SUGT1: variants seen among roughly 807,000 people sequenced by gnomAD.
SUGT1 encodes protein SGT1 homolog.
In SUGT1, 15 loss-of-function variants were observed where a neutral mutation model predicts 56.1. The ratio of observed to expected loss-of-function variants is 0.27; its 90% CI spans 0.18 to 0.41. SUGT1 has a LOEUF of 0.41. Ranked by LOEUF, SUGT1 falls within the 10% of genes least tolerant of loss-of-function variation. The pLI is 1.00. For synonymous variants in SUGT1, 123 were observed against 128.6 expected (o/e 0.96, Z 0.30); for missense variants, 347 against 382.2 (o/e 0.91, Z 0.77).
chr13:52,669,805 T>C (rs1327259109), intron 10 of SUGT1, among the ~76,000 whole-genome samples: 1 of 152,198 alleles, frequency 6.6e-6, no homozygotes, highest in African/African-American at 2.4e-5. Flanking sequence ...CTTAATTATG[T>C]CTTAAGGGAA....
chr13:52,694,037 T>G lies in SUGT1; in HGVS notation c.*6202T>G, dbSNP rs1963854716. 1 of 152,220 alleles carries G rather than the reference T, an allele frequency of 6.6e-6. No homozygotes were observed. Among genetic ancestry groups the G allele is most frequent in the Non-Finnish European group, 1.5e-5 (1 of 68,034 alleles). 9.4% of individuals were successfully genotyped at this position (152,220 alleles called of 1,614,324 possible). A position where few individuals can be genotyped will look rare whatever the true frequency, so the allele number is the denominator to read the frequency against. On this transcript the variant is annotated 3_prime_UTR_variant, in exon 13 of 13. Coordinates refer to ENST00000310528, the MANE Select transcript of SUGT1 (RefSeq NM_006704.5). ...GCAATAAAACTTATGTGAACAGTTA[T>G]TTTTGGACAGCAGTTGACTGTGGGT... is the stretch of plus-strand genomic sequence containing the variant.
rs1566170133 is a variant in SUGT1, at chr13:52,652,874, A to G, written c.-47A>G. On this transcript the variant is annotated 5_prime_UTR_variant, in exon 1 of 13. Coordinates refer to ENST00000310528, the MANE Select transcript of SUGT1 (RefSeq NM_006704.5). ...CCCCTTGGGCGGTGGTGGAGGTGGT[A>G]ACCGTGATAGTAGCAGCTCCGGCGG... 1 of 1,601,088 alleles carries G rather than the reference A, an allele frequency of 6.2e-7. No individual in the cohort carries two copies.
At chr13:52,654,897 T>C (rs1962085718) in intron 2 of SUGT1, among the ~76,000 whole-genome samples, 1 of 152,262 alleles carries the variant, frequency 6.6e-6, no homozygotes, top group Non-Finnish European at 1.5e-5. Flanking sequence ...CTTCTGTGAA[T>C]ACTCTTGTAC....
In SUGT1 at chr13:52,698,062, A is replaced by C. The variant is rs1963986675; in HGVS notation, c.*10227A>C. On this transcript the variant is annotated 3_prime_UTR_variant, in exon 13 of 13. Transcript: ENST00000310528. ...TTACAGCAGAATAAGTACCAAGGCA[A>C]GATTGGAGAATGACCGGTTGTGAAC... 1 of 152,242 alleles carries C rather than the reference A, an allele frequency of 6.6e-6. No homozygotes were observed. Among genetic ancestry groups the C allele is most frequent in the Non-Finnish European group, 1.5e-5 (1 of 68,036 alleles). 9.4% of individuals were successfully genotyped at this position (152,242 alleles called of 1,614,324 possible).
rs762365366 is a variant in SUGT1 at position 52,652,866 on chromosome 13, G to T, written c.-55G>T. On this transcript the variant is annotated 5_prime_UTR_variant, in exon 1 of 13. Transcript: ENST00000310528. ...GAAGTTTCCCCCTTGGGCGGTGGTGGAGGTGGTAACCGTGATAGTAGCAGC... is the reference window on the plus strand; with the variant it reads ...GAAGTTTCCCCCTTGGGCGGTGGTGTAGGTGGTAACCGTGATAGTAGCAGC... The T allele has an allele frequency of 1.3e-5, 21 of 1,594,178 alleles. No individual in the cohort carries two copies. Among genetic ancestry groups the T allele is most frequent in the Non-Finnish European group, 1.8e-5 (21 of 1,169,464 alleles).
rs573639601 is a variant in SUGT1 at position 52,693,278 on chromosome 13, G to T, written c.*5443G>T. ...AAAGGATTCAGTTATACAAAAAGAT[G>T]TTTCAGAAACACTGCTATTTACCTA... On this transcript the variant is annotated 3_prime_UTR_variant, in exon 13 of 13. Coordinates refer to ENST00000310528, the MANE Select transcript of SUGT1 (RefSeq NM_006704.5). 1 of 152,178 alleles carries T rather than the reference G, an allele frequency of 6.6e-6. No individual in the cohort carries two copies. Among genetic ancestry groups the T allele is most frequent in the Non-Finnish European group, 1.5e-5 (1 of 68,010 alleles). The allele number at this position is 152,178 out of a possible 1,614,324, so 9.4% of individuals were successfully genotyped here.
At chr13:52,669,708 C>CAT (rs147194529) in intron 10 of SUGT1, among the ~76,000 whole-genome samples, 195 of 150,166 alleles carry the variant, frequency 1.3e-3, no homozygotes, top group Admixed American at 1.8e-3. Flanking sequence ...TTTTATATAC[C>CAT]ATATATATAT....
At chr13:52,681,850 AGAG>A (rs949941192) in intron 12 of SUGT1, among the ~76,000 whole-genome samples, 37 of 65,740 alleles carry the variant, frequency 5.6e-4, no homozygotes, top group South Asian at 2.4e-3. Flanking sequence ...AAAAAAAAAA[AGAG>A]AGAGAGAGAG....
Position 52,676,823 on chromosome 13 carries a change from A to G in SUGT1, c.718+503A>G, listed in dbSNP as rs148293870. Among the ~76,000 whole-genome samples, 622 of 152,308 alleles carry G rather than the reference A, an allele frequency of 4.1e-3. 3 individuals are homozygous for G. Among genetic ancestry groups the G allele is most frequent in the Middle Eastern group, 0.01 (3 of 294 alleles). On this transcript the variant is annotated intron_variant, in intron 11 of 12. Transcript: ENST00000310528. ...TGGACGCAAATAGGTGGTAAATGCC[A>G]AAGGAAAGTCTAGGAGAAGAGTAGA...
chr13:52,656,995 C>A (rs1048155228), intron 2 of SUGT1, among the ~76,000 whole-genome samples: 10 of 152,106 alleles, frequency 6.6e-5, no homozygotes, highest in Non-Finnish European at 1.5e-4. Flanking sequence ...GGGCTTTGAA[C>A]AGAATATTTA....
In SUGT1 at chr13:52,696,908, C is replaced by G. The variant is rs1359455208; in HGVS notation, c.*9073C>G. ...AACTAATCAAAACCAGTGTGATATC[C>G]AAGTACTTTTTTTTTTTTTTTTTTT... On this transcript the variant is annotated 3_prime_UTR_variant, in exon 13 of 13. Coordinates refer to ENST00000310528, the MANE Select transcript of SUGT1 (RefSeq NM_006704.5). 1 of 139,212 alleles carries G rather than the reference C, an allele frequency of 7.2e-6. No homozygotes were observed. Among genetic ancestry groups the G allele is most frequent in the African/African-American group, 2.7e-5 (1 of 37,656 alleles). The allele number at this position is 139,212 out of a possible 1,614,324, so 8.6% of individuals were successfully genotyped here. A position where few individuals can be genotyped will look rare whatever the true frequency, so the allele number is the denominator to read the frequency against.
intron 10 of SUGT1, among the ~76,000 whole-genome samples, chr13:52,669,145 T>C (rs1039930659): frequency 2.0e-5 from 3 of 152,210 alleles, no homozygotes; most frequent in Non-Finnish European, 4.4e-5. Flanking sequence ...TTCTTCCTTA[T>C]ATAGTAGTTT....
At chr13:52,662,900 G>T (rs959173943) in intron 6 of SUGT1, among the ~76,000 whole-genome samples, 196 bp from the exon 7 acceptor site, 1 of 152,140 alleles carries the variant, frequency 6.6e-6, no homozygotes, top group South Asian at 2.1e-4. Context: ...GGATTTGCTT[G>T]TATGGTATAT....
chr13:52,682,499 C>T (rs1441185948), intron 12 of SUGT1, among the ~76,000 whole-genome samples: 1 of 152,212 alleles, frequency 6.6e-6, no homozygotes, highest in Non-Finnish European at 1.5e-5. Flanking sequence ...CAGCACCTGG[C>T]CTACATATTA....
Position 52,692,439 on chromosome 13 carries a change from TCA to T in SUGT1, c.*4606_*4607del, listed in dbSNP as rs1963809435. On this transcript the variant is annotated 3_prime_UTR_variant, in exon 13 of 13. Transcript: ENST00000310528. ...TTTTTTTTTTTTTTTTGAGACAGTC[TCA>T]CTCTGTCGTTCAGGGAAGGAATGCA... 1.3e-4 allele frequency: 5 copies of T among 37,720 alleles called. No homozygotes were observed. Among genetic ancestry groups the T allele is most frequent in the Non-Finnish European group, 2.0e-4 (4 of 20,446 alleles). 2.3% of individuals were successfully genotyped at this position (37,720 alleles called of 1,614,324 possible).
chr13:52,686,679 AAC>A (rs1270194282), intron 12 of SUGT1, among the ~76,000 whole-genome samples: 3 of 152,226 alleles, frequency 2.0e-5, no homozygotes, highest in Non-Finnish European at 4.4e-5. Flanking sequence ...ATTGGCCACT[AAC>A]ACAGTTGTTT....
At position 52,681,345 on chromosome 13, in the gene SUGT1, G is replaced by T. The variant is rs1313161325; in HGVS notation, c.900+1190G>T. Among the ~76,000 whole-genome samples the T allele has an allele frequency of 2.0e-5, 3 of 151,478 alleles. No individual in the cohort carries two copies. In the South Asian group the frequency reaches 6.3e-4, roughly 32 times the overall value. On this transcript the variant is annotated intron_variant, in intron 12 of 12. Coordinates refer to ENST00000310528, the MANE Select transcript of SUGT1 (RefSeq NM_006704.5). Reference sequence around the variant, plus strand: ...AGGTGGGAGGATCTCTTGAGCCTGGGTGGTCAAGGTTGCAGTGAGCTGTTT... The same window carrying T: ...AGGTGGGAGGATCTCTTGAGCCTGGTTGGTCAAGGTTGCAGTGAGCTGTTT...
intron 10 of SUGT1, among the ~76,000 whole-genome samples, chr13:52,667,502 G>A (rs944075786): frequency 5.9e-5 from 9 of 151,972 alleles, no homozygotes; most frequent in African/African-American, 2.2e-4. Context: ...GCACCACCAC[G>A]CCCTGCTTAA....
chr13:52,677,482 A>G (rs1243404926), intron 11 of SUGT1, among the ~76,000 whole-genome samples: 1 of 152,056 alleles, frequency 6.6e-6, no homozygotes, highest in African/African-American at 2.4e-5. Context: ...GACTGACTCC[A>G]ATAGATTTTG....
Sources: allele counts gnomAD v4.1 joint callset (sites outside exome capture counted in the v4.1 genomes callset), GRCh38; gene constraint gnomAD v4.1.1; transcripts MANE v1.5; gene names NCBI Gene and HGNC (gene_info 2026-07-23, HGNC 2026-07-21).